CADPS2: variants seen among roughly 807,000 people sequenced by gnomAD.
The protein encoded by CADPS2 is calcium-dependent secretion activator 2.
In CADPS2, 93 loss-of-function variants were observed where a neutral mutation model predicts 172.5. The ratio of observed to expected loss-of-function variants is 0.54; its 90% confidence interval spans 0.46 to 0.64. The LOEUF (loss-of-function observed/expected upper bound fraction) is 0.64, where lower values mean the gene tolerates loss of function less well. Among genes scored for constraint, CADPS2 ranks in the 30% least tolerant of loss-of-function variants. The pLI, the probability that CADPS2 is intolerant of heterozygous loss-of-function variation, is 0.00. For missense variants in CADPS2, 1,420 were observed against 1,565.9 expected, an observed-to-expected ratio of 0.91 and a Z score of 1.57; for synonymous variants, 546 against 555.2, an observed-to-expected ratio of 0.98 and a Z score of 0.23.
At chr7:122,885,518 TAAGTG>T (rs1824104188) in intron 1 of CADPS2, among the ~76,000 whole-genome samples, 1 of 152,186 alleles carries the variant, frequency 6.6e-6, no homozygotes, top group Non-Finnish European at 1.5e-5. Flanking sequence ...CTACCCCTCT[TAAGTG>T]AAGACTTCAC....
chr7:122,545,052 G>A (rs966210478), intron 8 of CADPS2, among the ~76,000 whole-genome samples: 3 of 152,150 alleles, frequency 2.0e-5, no homozygotes, highest in Non-Finnish European at 4.4e-5. Context: ...AACACAGGTG[G>A]TTGAGAATGC....
At chr7:122,345,413 C>T (rs1199411030) in intron 28 of CADPS2, among the ~76,000 whole-genome samples, 161 bp downstream of exon 28, 1 of 152,172 alleles carries the variant, frequency 6.6e-6, no homozygotes, top group Non-Finnish European at 1.5e-5. Context: ...TCTGGGATTA[C>T]AGGCATGAGC....
intron 17 of CADPS2, among the ~76,000 whole-genome samples, chr7:122,432,652 A>G (rs1030588596): frequency 2.6e-5 from 4 of 150,954 alleles, no homozygotes; most frequent in African/African-American, 4.9e-5. Flanking sequence ...ATAAAAAAAA[A>G]AAAAAAAAAG....
intron 1 of CADPS2, among the ~76,000 whole-genome samples, chr7:122,821,690 G>A (rs1679954183): frequency 6.6e-6 from 1 of 152,110 alleles, no homozygotes; most frequent in Admixed American, 6.6e-5. Context: ...CAGCCAAGCA[G>A]TTTTTCAGGC....
At chr7:122,705,725 T>G (rs866831358) in intron 2 of CADPS2, among the ~76,000 whole-genome samples, 8,715 of 18,044 alleles carry the variant, frequency 0.48, 2,995 homozygotes, top group Middle Eastern at 1. Flanking sequence ...ATATAATATA[T>G]CATATATTAT....
chr7:122,862,058 C>G (rs1216909384), intron 1 of CADPS2, among the ~76,000 whole-genome samples: 1 of 152,156 alleles, frequency 6.6e-6, no homozygotes, highest in Non-Finnish European at 1.5e-5. Flanking sequence ...AACAGAGGCT[C>G]CAATTCAAAA....
At chr7:122,379,617 T>C in intron 24 of CADPS2, 175 bp from the exon 25 acceptor site, 3 of 551,898 alleles carry the variant, frequency 5.4e-6, no homozygotes, top group Non-Finnish European at 9.8e-6. Flanking sequence ...ACTTTTTACA[T>C]TGTGGTTTGA....
At chr7:122,534,889 C>A (rs2062096006) in intron 8 of CADPS2, among the ~76,000 whole-genome samples, 1 of 151,902 alleles carries the variant, frequency 6.6e-6, no homozygotes, top group Non-Finnish European at 1.5e-5. Flanking sequence ...TTAGCAGAAC[C>A]TCTAAATTAT....
intron 1 of CADPS2, among the ~76,000 whole-genome samples, chr7:122,797,780 G>A (rs182766491): frequency 2.0e-5 from 3 of 151,996 alleles, no homozygotes; most frequent in Admixed American, 6.6e-5. Flanking sequence ...AATAATACCC[G>A]GTTTGACAAA....
chr7:122,856,407 T>TA (rs2141204838), intron 1 of CADPS2, among the ~76,000 whole-genome samples: 1 of 152,318 alleles, frequency 6.6e-6, no homozygotes, highest in Admixed American at 6.5e-5. Context: ...ATTTCTGAAA[T>TA]GTCTCTTCCA....
intron 1 of CADPS2, among the ~76,000 whole-genome samples, chr7:122,879,236 CAA>C (rs34464177): frequency 1.2e-3 from 99 of 80,910 alleles, no homozygotes; most frequent in Middle Eastern, 9.6e-3. Context: ...TACTCTGCCT[CAA>C]AAAAAAAAAA....
At chr7:122,663,688 C>T in intron 2 of CADPS2, 119 bp from the exon 3 acceptor site, 1 of 710,640 alleles carries the variant, frequency 1.4e-6, no homozygotes, top group East Asian at 2.7e-5. Flanking sequence ...CCAAATACTC[C>T]ACAATGATTC....
intron 6 of CADPS2, among the ~76,000 whole-genome samples, chr7:122,600,184 A>C (rs2072529308): frequency 6.6e-6 from 1 of 152,100 alleles, no homozygotes. Context: ...AACAAAGCAA[A>C]CAACACATGC....
chr7:122,706,624 G>A (rs1186975926), intron 2 of CADPS2, among the ~76,000 whole-genome samples: 1 of 145,814 alleles, frequency 6.9e-6, no homozygotes, highest in Admixed American at 7.0e-5. Context: ...GGTTGTGTGT[G>A]TGTGTATATA....
chr7:122,326,161 C>A (rs535506169), intron 28 of CADPS2, among the ~76,000 whole-genome samples: 1 of 150,952 alleles, frequency 6.6e-6, no homozygotes, highest in South Asian at 2.1e-4. Flanking sequence ...CTTTTAAAAC[C>A]ATCTAAAATA....
chr7:122,387,009 T>C lies in CADPS2; in HGVS notation c.3312+17A>G. The C allele has an allele frequency of 2.6e-6, 4 of 1,552,070 alleles. No individual in the cohort carries two copies. The highest frequency in any genetic ancestry group is 1.4e-5 in the African/African-American group (1 of 73,268). ...GCACCCTGTGCTGCCTTTCCCCATG[T>C]GGCACATTCTACATACCTCTTGTCC... On this transcript the variant is annotated intron_variant, in intron 24 of 29. Coordinates refer to ENST00000449022, the MANE Select transcript of CADPS2 (RefSeq NM_017954.11).
chr7:122,393,667 G>A (rs1170960952), intron 20 of CADPS2, 85 bp from the exon 21 acceptor site: 12 of 1,384,544 alleles, frequency 8.7e-6, no homozygotes, highest in Non-Finnish European at 1.0e-5. Context: ...CACGTTTTCT[G>A]AGAGAGTCTG....
intron 4 of CADPS2, among the ~76,000 whole-genome samples, chr7:122,628,598 A>G (rs1157844323): frequency 6.6e-6 from 1 of 151,610 alleles, no homozygotes; most frequent in African/African-American, 2.4e-5. Flanking sequence ...GTAAGTTAAT[A>G]AATTCACTAA....
In CADPS2 at chr7:122,319,961, A is replaced by G. The variant is rs1026480592; in HGVS notation, c.*204T>C. 2.2e-6 allele frequency: 1 copy of G among 458,988 alleles called. No individual in the cohort carries two copies. Among genetic ancestry groups the G allele is most frequent in the Non-Finnish European group, 3.6e-6 (1 of 276,470 alleles). The allele number at this position is 458,988 out of a possible 1,614,324, so 28.4% of individuals were successfully genotyped here. Reference sequence around the variant, plus strand: ...TGCTCTTCTCCAAAAAAACAAACAAACAAACAAACAAAAAAAGGAAACAAA... The same window carrying G: ...TGCTCTTCTCCAAAAAAACAAACAAGCAAACAAACAAAAAAAGGAAACAAA... On this transcript the variant is annotated 3_prime_UTR_variant, in exon 30 of 30. Coordinates refer to ENST00000449022, the MANE Select transcript of CADPS2 (RefSeq NM_017954.11).
Sources: gnomAD v4.1 joint callset for allele counts (sites outside exome capture counted in the v4.1 genomes callset) on GRCh38, gnomAD v4.1.1 for gene constraint, MANE v1.5 for transcripts, NCBI Gene and HGNC (gene_info 2026-07-23, HGNC 2026-07-21) for gene names.